The following ATP9A variants were observed in gnomAD, a reference collection of about 807,000 sequenced individuals.
The protein encoded by ATP9A is probable phospholipid-transporting ATPase IIA.
A neutral mutation model predicts 144.1 loss-of-function variants in ATP9A; 52 were observed. That is an observed-to-expected ratio of 0.36 (90% CI 0.29 to 0.45). The LOEUF is 0.45. ATP9A is among the 20% of genes least tolerant of loss of function. The pLI is 1.00. For synonymous variants in ATP9A, 582 were observed against 557.4 expected (o/e 1.04, Z -0.62); for missense variants, 947 against 1,392.7 (o/e 0.68, Z 5.09).
chr20:51,605,035 G>A lies in ATP9A; in HGVS notation c.2804-15C>T. 2.5e-6 allele frequency: 4 copies of A among 1,591,524 alleles called. No homozygotes were observed. Among genetic ancestry groups the A allele is most frequent in the Non-Finnish European group, 3.4e-6 (4 of 1,168,338 alleles). On this transcript the variant is annotated splice_polypyrimidine_tract_variant and intron_variant, in intron 26 of 27. Coordinates refer to ENST00000338821, the MANE Select transcript of ATP9A (RefSeq NM_006045.3). ...GATGGTGCTCCCTGCAAACACCAGA[G>A]AAGGGTATTCCCCTCACCCTCCCTG...
intron 11 of ATP9A, among the ~76,000 whole-genome samples, chr20:51,673,219 C>T (rs904689623): frequency 6.6e-6 from 1 of 151,954 alleles, no homozygotes; most frequent in African/African-American, 2.4e-5. Context: ...ACTAAAAATA[C>T]AAAAATTAGC....
chr20:51,743,573 T>C (rs543888774), intron 1 of ATP9A, among the ~76,000 whole-genome samples: 6 of 150,550 alleles, frequency 4.0e-5, no homozygotes, highest in Admixed American at 1.3e-4. Flanking sequence ...CTAATTTTTG[T>C]ATTTTTAGTA....
At chr20:51,602,350 C>T (rs1413131711) in intron 27 of ATP9A, among the ~76,000 whole-genome samples, 1 of 152,190 alleles carries the variant, frequency 6.6e-6, no homozygotes, top group African/African-American at 2.4e-5. Flanking sequence ...CTACTAAGTG[C>T]CAGGCCCAAG....
intron 3 of ATP9A, among the ~76,000 whole-genome samples, chr20:51,720,782 C>G (rs79691544): frequency 1.3e-5 from 2 of 152,226 alleles, no homozygotes; most frequent in East Asian, 3.9e-4. Flanking sequence ...TACAGTGAGC[C>G]GATATCGCGC....
chr20:51,627,385 AC>A (rs2077253598), intron 17 of ATP9A, among the ~76,000 whole-genome samples: 1 of 152,156 alleles, frequency 6.6e-6, no homozygotes, highest in Non-Finnish European at 1.5e-5. Context: ...TTGAGCTGAG[AC>A]CCAAAAGAAG....
intron 11 of ATP9A, among the ~76,000 whole-genome samples, chr20:51,673,044 C>T (rs1207006777): frequency 6.6e-6 from 1 of 152,118 alleles, no homozygotes; most frequent in African/African-American, 2.4e-5. Context: ...CAGGCCTTCA[C>T]TTTTTTCTAC....
intron 11 of ATP9A, among the ~76,000 whole-genome samples, chr20:51,672,790 A>G (rs889354970): frequency 6.6e-6 from 1 of 152,190 alleles, no homozygotes; most frequent in Non-Finnish European, 1.5e-5. Flanking sequence ...AATATGGGGG[A>G]AAGTAGACTG....
chr20:51,759,273 G>C (rs1429338752), intron 1 of ATP9A, among the ~76,000 whole-genome samples: 2 of 152,182 alleles, frequency 1.3e-5, no homozygotes, highest in African/African-American at 4.8e-5. Context: ...TGAGGAGGGG[G>C]GTGTCTCTGG....
In ATP9A at chr20:51,654,008, A is replaced by G. The variant is rs183534652; in HGVS notation, c.1506+2930T>C. Among the ~76,000 whole-genome samples, 13 of 152,302 alleles carry G rather than the reference A, an allele frequency of 8.5e-5. No homozygotes were observed. The Middle Eastern group carries it at 0.01, about 120-fold the overall frequency. ...ACAGACTAAACCTGCCAAGCCACAG[A>G]AAGAAGAAATGATGATAAACCTGAA... is the stretch of plus-strand genomic sequence containing the variant. On this transcript the variant is annotated intron_variant, in intron 14 of 27. Coordinates refer to ENST00000338821, the MANE Select transcript of ATP9A (RefSeq NM_006045.3).
At chr20:51,681,180 T>C (rs2077498220) in intron 9 of ATP9A, among the ~76,000 whole-genome samples, 1 of 152,232 alleles carries the variant, frequency 6.6e-6, no homozygotes. Context: ...TGTCCTCATG[T>C]AATGTTATGA....
At chr20:51,671,415 C>T (rs1010282684) in intron 11 of ATP9A, among the ~76,000 whole-genome samples, 158 bp from the exon 12 acceptor site, 7 of 151,738 alleles carry the variant, frequency 4.6e-5, no homozygotes. Flanking sequence ...CAGCAAGAGC[C>T]AGCACCACCG....
At chr20:51,685,494 T>C (rs1205028947) in intron 9 of ATP9A, among the ~76,000 whole-genome samples, 5 of 151,536 alleles carry the variant, frequency 3.3e-5, no homozygotes, top group African/African-American at 1.2e-4. Flanking sequence ...CCTGGGAAGG[T>C]GGAGGTTGCA....
At chr20:51,690,916 C>T in intron 7 of ATP9A, 97 bp from the exon 8 acceptor site, 1 of 986,676 alleles carries the variant, frequency 1.0e-6, no homozygotes, top group African/African-American at 1.6e-5. Context: ...ATATTTCCCA[C>T]ACACAGCAAA....
rs1304978452 is a variant in ATP9A, at chr20:51,639,405, A to T, written c.1606T>A (p.Phe536Ile). 1 of 1,614,110 alleles carries T rather than the reference A, an allele frequency of 6.2e-7. No homozygotes were observed. Among genetic ancestry groups the T allele is most frequent in the Admixed American group, 1.7e-5 (1 of 60,014 alleles). Residue 536 changes from phenylalanine to isoleucine, a missense_variant, in exon 15 of 28, where the codon TTC (phenylalanine) becomes ATC (isoleucine). By Grantham distance (21) the Phe-to-Ile change is conservative. Coordinates refer to ENST00000338821, the MANE Select transcript of ATP9A (RefSeq NM_006045.3). ...LRTPGDQILN[F>I]TILQIFPFTY... is the part of the protein sequence containing the mutation. ...AAAGGGAAGATCTGTAGGATGGTGA[A>T]GTTCAGGATCTGGTCGCCAGGGGTC...
At chr20:51,681,735 T>C (rs1405256053) in intron 9 of ATP9A, among the ~76,000 whole-genome samples, 1 of 152,084 alleles carries the variant, frequency 6.6e-6, no homozygotes, top group Non-Finnish European at 1.5e-5. Context: ...ATCCGAAACT[T>C]CTAATAAACT....
At chr20:51,669,097 G>T (rs906369928) in intron 13 of ATP9A, among the ~76,000 whole-genome samples, 2 of 152,096 alleles carry the variant, frequency 1.3e-5, no homozygotes, top group Non-Finnish European at 2.9e-5. Flanking sequence ...CTGGTCTAAC[G>T]CGGTCTGGCT....
At chr20:51,737,903 T>C (rs1454032798) in intron 1 of ATP9A, among the ~76,000 whole-genome samples, 1 of 152,104 alleles carries the variant, frequency 6.6e-6, no homozygotes, top group Non-Finnish European at 1.5e-5. Flanking sequence ...ATCCTATCTA[T>C]ATGCTATACT....
chr20:51,731,480 G>A (rs1313813657), intron 1 of ATP9A, among the ~76,000 whole-genome samples: 1 of 152,048 alleles, frequency 6.6e-6, no homozygotes, highest in Non-Finnish European at 1.5e-5. Context: ...CACTTTGGGA[G>A]GCCGAGGCAG....
In ATP9A at chr20:51,598,479, C is replaced by T. The variant is rs956596642; in HGVS notation, c.*2732G>A. 6 of 152,010 alleles carry T rather than the reference C, an allele frequency of 3.9e-5. No homozygotes were observed. Among genetic ancestry groups the T allele is most frequent in the Non-Finnish European group, 2.9e-5 (2 of 67,988 alleles). The allele number at this position is 152,010 out of a possible 1,614,324, so 9.4% of individuals were successfully genotyped here. On this transcript the variant is annotated 3_prime_UTR_variant, in exon 28 of 28. Coordinates refer to ENST00000338821, the MANE Select transcript of ATP9A (RefSeq NM_006045.3). Reference sequence around the variant, plus strand: ...AGCTCCCAGGTGACAGTGTCAATGGCGCTTTATGTAAGTTCTTTCCAGATT... The same window carrying T: ...AGCTCCCAGGTGACAGTGTCAATGGTGCTTTATGTAAGTTCTTTCCAGATT...
Sources: allele counts gnomAD v4.1 joint callset (sites outside exome capture counted in the v4.1 genomes callset), GRCh38; gene constraint gnomAD v4.1.1; transcripts MANE v1.5; gene names NCBI Gene and HGNC (gene_info 2026-07-23, HGNC 2026-07-21).